Variants in AGBL4 observed in about 807,000 individuals in gnomAD.
AGBL4 encodes AGBL carboxypeptidase 4.
In AGBL4, 58 loss-of-function variants were observed where a neutral mutation model predicts 66.4. That is an observed-to-expected ratio of 0.87 (90% CI 0.71 to 1.09). AGBL4 has a LOEUF of 1.09. AGBL4 is among the 50% of genes least tolerant of loss of function. The pLI is 0.00. For synonymous variants in AGBL4, 234 were observed against 222.9 expected, an observed-to-expected ratio of 1.05 and a Z score of -0.44; for missense variants, 579 against 631.0, an observed-to-expected ratio of 0.92 and a Z score of 0.88.
chr1:48,553,315 G>A (rs564973805), intron 11 of AGBL4, among the ~76,000 whole-genome samples: 2 of 152,256 alleles, frequency 1.3e-5, no homozygotes, highest in African/African-American at 4.8e-5. Context: ...GCTCCTGCTT[G>A]TCTCACATAT....
chr1:49,851,134 C>G (rs988961545), intron 2 of AGBL4, among the ~76,000 whole-genome samples: 1 of 152,018 alleles, frequency 6.6e-6, no homozygotes, highest in East Asian at 1.9e-4. Flanking sequence ...AAAATAATAT[C>G]TTGGAAAGTA....
chr1:49,194,387 C>T lies in AGBL4; in HGVS notation c.377+51383G>A, dbSNP rs545898669. ...ATAGAATATGTTTTTCACCCCTATA[C>T]TTTCAGTGTATATGTGTTTTTACAA... On this transcript the variant is annotated intron_variant, in intron 4 of 13. Transcript: ENST00000371839. 1.3e-5 allele frequency among the ~76,000 whole-genome samples: 2 copies of T among 152,168 alleles called. 1 individual carries two copies. The highest frequency in any genetic ancestry group is 4.1e-4 in the South Asian group (2 of 4,826).
At chr1:49,333,443 A>C (rs1167657258) in intron 3 of AGBL4, among the ~76,000 whole-genome samples, 2 of 152,166 alleles carry the variant, frequency 1.3e-5, no homozygotes. Flanking sequence ...GTGCCACTGC[A>C]CTCCAGCCTG....
intron 5 of AGBL4, among the ~76,000 whole-genome samples, chr1:48,987,447 G>T (rs561632277): frequency 6.6e-6 from 1 of 152,030 alleles, no homozygotes; most frequent in Admixed American, 6.6e-5. Flanking sequence ...TAATAAAGGG[G>T]TTAATTTATT....
At chr1:49,364,397 TTAC>T (rs1237618673) in intron 3 of AGBL4, among the ~76,000 whole-genome samples, 7 of 152,140 alleles carry the variant, frequency 4.6e-5, no homozygotes, top group South Asian at 2.1e-4. Context: ...ACAGAAATAT[TTAC>T]TGTATTATTT....
chr1:49,075,932 C>A (rs1444519719), intron 4 of AGBL4, among the ~76,000 whole-genome samples: 1 of 152,108 alleles, frequency 6.6e-6, no homozygotes, highest in East Asian at 1.9e-4. Context: ...AATCAACAAA[C>A]TGTTGGGTAG....
intron 3 of AGBL4, among the ~76,000 whole-genome samples, chr1:49,250,734 G>A (rs919011452): frequency 6.6e-6 from 1 of 152,084 alleles, no homozygotes; most frequent in African/African-American, 2.4e-5. Context: ...AGCCACTGTG[G>A]CTAGCACAGA....
At chr1:49,762,452 G>A (rs1362415553) in intron 2 of AGBL4, among the ~76,000 whole-genome samples, 13 of 143,970 alleles carry the variant, frequency 9.0e-5, no homozygotes, top group African/African-American at 2.3e-4. Context: ...TTGCTCTGTC[G>A]CCCAGGCTGG....
intron 4 of AGBL4, among the ~76,000 whole-genome samples, chr1:49,169,509 T>G (rs1408062480): frequency 6.6e-6 from 1 of 152,190 alleles, no homozygotes; most frequent in Admixed American, 6.5e-5. Context: ...ATAACAAAAT[T>G]AACTGCAATT....
intron 11 of AGBL4, chr1:48,585,637 T>A (rs1644806379): frequency 6.6e-6 from 1 of 152,244 alleles, no homozygotes; most frequent in African/African-American, 2.4e-5. Flanking sequence ...CCCTCAGTCT[T>A]GATGACTGTA....
chr1:49,172,465 C>A (rs1404945736), intron 4 of AGBL4, among the ~76,000 whole-genome samples: 1 of 152,040 alleles, frequency 6.6e-6, no homozygotes, highest in Non-Finnish European at 1.5e-5. Context: ...CTTTATGAAC[C>A]AGTAGGAAGA....
chr1:49,074,161 T>C (rs1644665565), intron 4 of AGBL4, among the ~76,000 whole-genome samples: 1 of 152,186 alleles, frequency 6.6e-6, no homozygotes, highest in Non-Finnish European at 1.5e-5. Flanking sequence ...AATGGGATCT[T>C]AACTTGCTGG....
At chr1:48,953,014 C>T (rs188706452) in intron 5 of AGBL4, among the ~76,000 whole-genome samples, 45 of 152,226 alleles carry the variant, frequency 3.0e-4, no homozygotes, top group Non-Finnish European at 4.1e-4. Flanking sequence ...ACACTGTTTC[C>T]GTGCGTGAAA....
intron 5 of AGBL4, among the ~76,000 whole-genome samples, chr1:48,867,484 C>G (rs1648222806): frequency 6.6e-6 from 1 of 152,100 alleles, no homozygotes; most frequent in Non-Finnish European, 1.5e-5. Flanking sequence ...TTATACCATA[C>G]TTATGGAAAA....
intron 8 of AGBL4, among the ~76,000 whole-genome samples, chr1:48,645,111 G>A (rs1645814491): frequency 6.6e-6 from 1 of 152,214 alleles, no homozygotes. Context: ...ACCTGGCTGG[G>A]AAGCTCATTT....
chr1:49,306,712 A>G (rs1484390410), intron 3 of AGBL4, among the ~76,000 whole-genome samples: 1 of 152,190 alleles, frequency 6.6e-6, no homozygotes, highest in East Asian at 1.9e-4. Flanking sequence ...TTTTCCTAGA[A>G]GCATGTGTGG....
intron 2 of AGBL4, among the ~76,000 whole-genome samples, chr1:49,738,658 T>C (rs913223746): frequency 3.3e-5 from 5 of 152,080 alleles, no homozygotes; most frequent in African/African-American, 1.2e-4. Context: ...CACCCCCCAG[T>C]AGGGGCAGAC....
At chr1:49,050,680 G>A (rs1161073392) in intron 4 of AGBL4, among the ~76,000 whole-genome samples, 3 of 151,928 alleles carry the variant, frequency 2.0e-5, no homozygotes, top group African/African-American at 7.3e-5. Context: ...TTTCTACACA[G>A]TGCATCTCTG....
At chr1:49,904,621 CA>C (rs1036366106) in intron 1 of AGBL4, among the ~76,000 whole-genome samples, 3 of 151,632 alleles carry the variant, frequency 2.0e-5, no homozygotes, top group African/African-American at 7.3e-5. Flanking sequence ...TAGCAGTTGT[CA>C]AAAAAAATGG....
Sources: gnomAD v4.1 joint callset for allele counts (sites outside exome capture counted in the v4.1 genomes callset) on GRCh38, gnomAD v4.1.1 for gene constraint, MANE v1.5 for transcripts, NCBI Gene and HGNC (gene_info 2026-07-23, HGNC 2026-07-21) for gene names.